Variants in EVL observed in about 807,000 individuals in gnomAD.
EVL encodes ena/VASP-like protein.
A neutral mutation model predicts 59.6 loss-of-function variants in EVL; 21 were observed. That is an observed-to-expected ratio of 0.35 (90% CI 0.25 to 0.51). The LOEUF is 0.51. EVL is among the 20% of genes least tolerant of loss of function. The pLI, the probability that EVL is intolerant of heterozygous loss-of-function variation, is 0.97. For missense variants in EVL, 462 were observed against 546.6 expected (o/e 0.85, Z 1.54); for synonymous variants, 198 against 203.5 (o/e 0.97, Z 0.23).
chr14:100,029,963 T>A (rs1566975498), intron 1 of EVL, among the ~76,000 whole-genome samples: 2 of 152,208 alleles, frequency 1.3e-5, no homozygotes, highest in Non-Finnish European at 2.9e-5. Flanking sequence ...TGTTTTGCCA[T>A]GCTGCTAGCA....
intron 2 of EVL, among the ~76,000 whole-genome samples, chr14:100,092,872 A>G (rs1287461210): frequency 2.6e-5 from 4 of 152,244 alleles, no homozygotes; most frequent in East Asian, 1.9e-4. Context: ...GTCCATTTCT[A>G]TGTAGCTTAA....
chr14:100,051,801 G>A (rs542281495), intron 1 of EVL, among the ~76,000 whole-genome samples: 11 of 152,264 alleles, frequency 7.2e-5, no homozygotes, highest in South Asian at 2.1e-4. Context: ...TCTAACTTCC[G>A]TGTATATTCC....
chr14:100,063,037 G>A (rs2061864829), upstream of EVL, among the ~76,000 whole-genome samples: 1 of 152,204 alleles, frequency 6.6e-6, no homozygotes, highest in African/African-American at 2.4e-5. Context: ...GTTTGAGGCT[G>A]CAGTGAACTA....
At chr14:100,132,986 C>G (rs905541009) in intron 8 of EVL, among the ~76,000 whole-genome samples, 3 of 152,206 alleles carry the variant, frequency 2.0e-5, no homozygotes, top group Non-Finnish European at 2.9e-5. Context: ...CTGAGCACCC[C>G]CTACCAGACA....
intron 1 of EVL, among the ~76,000 whole-genome samples, chr14:100,010,937 G>A (rs1460153856): frequency 6.6e-6 from 1 of 152,206 alleles, no homozygotes; most frequent in Non-Finnish European, 1.5e-5. Flanking sequence ...AGAATGCAGA[G>A]AGGCACTGAG....
intron 3 of EVL, among the ~76,000 whole-genome samples, chr14:100,121,286 C>T (rs1887681322): frequency 6.6e-6 from 1 of 152,172 alleles, no homozygotes; most frequent in South Asian, 2.1e-4. Flanking sequence ...CCCTGTCCCT[C>T]CCCCCGACTG....
chr14:100,128,085 C>T (rs531619597), intron 5 of EVL, among the ~76,000 whole-genome samples: 1 of 152,216 alleles, frequency 6.6e-6, no homozygotes, highest in Non-Finnish European at 1.5e-5. Flanking sequence ...GGACCTGCCA[C>T]GGCCCCCAAC....
intron 1 of EVL, among the ~76,000 whole-genome samples, chr14:100,038,327 T>G (rs2061416952): frequency 6.6e-6 from 1 of 152,228 alleles, no homozygotes. Context: ...AAACTGATCT[T>G]ATCATGCTCT....
intron 1 of EVL, among the ~76,000 whole-genome samples, chr14:100,041,152 A>G (rs537790575): frequency 3.0e-4 from 45 of 152,152 alleles, no homozygotes; most frequent in Non-Finnish European, 6.5e-4. Flanking sequence ...CTCTTCCCCC[A>G]TTCCTTTTAA....
chr14:100,073,367 G>A (rs2062090962), intron 1 of EVL, among the ~76,000 whole-genome samples: 1 of 150,086 alleles, frequency 6.7e-6, no homozygotes, highest in African/African-American at 2.5e-5. Flanking sequence ...TGTCACCCAG[G>A]ATGGAGTGCA....
At chr14:100,038,357 G>C (rs1030348904) in intron 1 of EVL, among the ~76,000 whole-genome samples, 1 of 152,180 alleles carries the variant, frequency 6.6e-6, no homozygotes, top group Non-Finnish European at 1.5e-5. Context: ...AAACTTCCCA[G>C]CTCTGTTGGG....
intron 1 of EVL, among the ~76,000 whole-genome samples, chr14:100,045,599 C>T (rs994333938): frequency 6.6e-6 from 1 of 152,240 alleles, no homozygotes; most frequent in African/African-American, 2.4e-5. Flanking sequence ...GATTAATCTT[C>T]CATTTTGTCA....
At chr14:100,080,020 T>C (rs987329543) in intron 1 of EVL, among the ~76,000 whole-genome samples, 2 of 152,054 alleles carry the variant, frequency 1.3e-5, no homozygotes, top group African/African-American at 2.4e-5. Context: ...GGTCTATGAT[T>C]AGGTTTCAGA....
At chr14:100,069,726 C>T (rs1416526308) in intron 1 of EVL, among the ~76,000 whole-genome samples, 1 of 152,120 alleles carries the variant, frequency 6.6e-6, no homozygotes, top group African/African-American at 2.4e-5. Context: ...TGTTACGATA[C>T]TCAGGTGGGC....
rs537015284 is a variant in EVL at position 100,053,346 on chromosome 14, T to C, written c.6-31341T>C. 9.8e-4 allele frequency among the ~76,000 whole-genome samples: 149 copies of C among 152,344 alleles called. 8 individuals are homozygous for C. The South Asian group carries it at 0.03, about 31-fold the overall frequency. On this transcript the variant is annotated intron_variant, in intron 1 of 13. Transcript: ENST00000402714. ...ATTTCTTCAGTTGGTTGGAAAACTA[T>C]AGGTTCTATTTTTATTCTCCTCATG...
intron 1 of EVL, among the ~76,000 whole-genome samples, chr14:100,043,446 T>TC (rs927357171): frequency 3.5e-5 from 4 of 113,050 alleles, no homozygotes; most frequent in Non-Finnish European, 6.7e-5. Context: ...TCAATCCAAG[T>TC]CCAAAGGCCT....
chr14:100,071,968 T>G (rs111642806), intron 1 of EVL, among the ~76,000 whole-genome samples: 2,437 of 152,230 alleles, frequency 0.016, 70 homozygotes, highest in African/African-American at 0.056. Context: ...TGGCACCCTA[T>G]AAATGATTTA....
chr14:100,097,066 G>A (rs540855145), intron 2 of EVL: 122 of 159,742 alleles, frequency 7.6e-4, no homozygotes, highest in African/African-American at 2.7e-3. Flanking sequence ...AATAAGATAC[G>A]TATCACAATG....
intron 1 of EVL, among the ~76,000 whole-genome samples, chr14:100,031,979 A>G (rs770255827): frequency 6.6e-6 from 1 of 152,216 alleles, no homozygotes; most frequent in Non-Finnish European, 1.5e-5. Context: ...TCCCCTGCCT[A>G]GTTTTTCGGA....
Sources: gnomAD v4.1 joint callset for allele counts (sites outside exome capture counted in the v4.1 genomes callset) on GRCh38, gnomAD v4.1.1 for gene constraint, MANE v1.5 for transcripts, NCBI Gene and HGNC (gene_info 2026-07-23, HGNC 2026-07-21) for gene names.